LRBA: variants seen among roughly 807,000 people sequenced by gnomAD.
LRBA encodes lipopolysaccharide-responsive and beige-like anchor protein.
LRBA carries 176 observed loss-of-function variants against 330.0 expected under a neutral mutation model. That is an observed-to-expected ratio of 0.53 (90% confidence interval 0.47 to 0.60). The LOEUF (loss-of-function observed/expected upper bound fraction) is 0.60. Ranked by LOEUF, LRBA falls within the 20% of genes least tolerant of loss-of-function variation. The probability of loss-of-function intolerance (pLI) is 0.00; values close to 1 mark genes in which losing one functional copy is unlikely to be tolerated. For synonymous variants in LRBA, 1,230 were observed against 1,193.0 expected, an observed-to-expected ratio of 1.03 and a Z score of -0.64; for missense variants, 3,259 against 3,444.8, an observed-to-expected ratio of 0.95 and a Z score of 1.35.
In LRBA at chr4:150,471,063, G is replaced by A. The variant is rs539144094; in HGVS notation, c.6667+561C>T. Among the ~76,000 whole-genome samples the A allele has an allele frequency of 3.9e-5, 6 of 152,062 alleles. No individual in the cohort carries two copies. The East Asian group carries it at 7.7e-4, about 20-fold the overall frequency. Reference sequence around the variant, plus strand: ...CAAACTGACAAGAAAATCGTTCTTCGCATTTCTAACATTCTTATTTTTTCC... The same window carrying A: ...CAAACTGACAAGAAAATCGTTCTTCACATTTCTAACATTCTTATTTTTTCC... On this transcript the variant is annotated intron_variant, in intron 43 of 56. Coordinates refer to ENST00000651943, the MANE Select transcript of LRBA (RefSeq NM_001364905.1).
chr4:150,544,013 TC>T (rs1217265636), intron 40 of LRBA, among the ~76,000 whole-genome samples: 1 of 152,210 alleles, frequency 6.6e-6, no homozygotes, highest in Admixed American at 6.5e-5. Flanking sequence ...TTACTGCTCT[TC>T]AGTAGTCTCC....
intron 46 of LRBA, among the ~76,000 whole-genome samples, chr4:150,433,450 A>T (rs568526595): frequency 6.6e-6 from 1 of 152,294 alleles, no homozygotes; most frequent in South Asian, 2.1e-4. Flanking sequence ...TAGTACAGAT[A>T]GAGGCAGAAA....
At chr4:150,976,879 G>A (rs905164542) in intron 2 of LRBA, among the ~76,000 whole-genome samples, 3 of 152,220 alleles carry the variant, frequency 2.0e-5, no homozygotes, top group African/African-American at 7.2e-5. Context: ...AGCAGAACAA[G>A]ACTAAAATTA....
intron 17 of LRBA, among the ~76,000 whole-genome samples, chr4:150,879,537 G>C (rs1728136949): frequency 6.6e-6 from 1 of 151,976 alleles, no homozygotes. Context: ...CAAGAAAAGG[G>C]AACAAAAGGC....
rs190979485 is a variant in LRBA at position 150,422,077 on chromosome 4, G to T, written c.7042-6487C>A. Among the ~76,000 whole-genome samples, 291 of 152,142 alleles carry T rather than the reference G, an allele frequency of 1.9e-3. 3 individuals are homozygous for T. The highest frequency in any genetic ancestry group is 2.8e-3 in the Non-Finnish European group (188 of 67,996). ...GTTCAAGACCAGCTTGGCCAACATG[G>T]CAAGACCCCATCTCTACAAAAAAAG... On this transcript the variant is annotated intron_variant, in intron 46 of 56. Coordinates refer to ENST00000651943, the MANE Select transcript of LRBA (RefSeq NM_001364905.1).
At chr4:150,999,368 A>C (rs1202535215) in intron 2 of LRBA, among the ~76,000 whole-genome samples, 1 of 152,086 alleles carries the variant, frequency 6.6e-6, no homozygotes, top group African/African-American at 2.4e-5. Flanking sequence ...TCTCCCCCAC[A>C]AAAAAACTTC....
intron 42 of LRBA, among the ~76,000 whole-genome samples, chr4:150,479,396 A>G (rs958763455): frequency 6.6e-6 from 1 of 152,230 alleles, no homozygotes; most frequent in African/African-American, 2.4e-5. Context: ...GATAATTTGT[A>G]GAAAAAGACT....
intron 53 of LRBA, among the ~76,000 whole-genome samples, chr4:150,291,931 G>T (rs920728047): frequency 6.6e-6 from 1 of 152,176 alleles, no homozygotes; most frequent in Non-Finnish European, 1.5e-5. Flanking sequence ...TAGGGACATG[G>T]ATAAAATTGG....
chr4:150,692,958 A>G (rs964680606), intron 36 of LRBA, among the ~76,000 whole-genome samples: 7 of 152,224 alleles, frequency 4.6e-5, no homozygotes, highest in Non-Finnish European at 1.0e-4. Context: ...TGTACGCCAG[A>G]CATATAAAAT....
chr4:150,456,325 C>T (rs559842644), intron 44 of LRBA, among the ~76,000 whole-genome samples: 8 of 152,262 alleles, frequency 5.3e-5, no homozygotes, highest in South Asian at 2.1e-4. Flanking sequence ...CACATGCTCA[C>T]CAGCATTTGG....
chr4:150,648,566 A>G (rs1416797880), intron 37 of LRBA, among the ~76,000 whole-genome samples: 1 of 150,640 alleles, frequency 6.6e-6, no homozygotes, highest in African/African-American at 2.4e-5. Flanking sequence ...CCCACCCCAC[A>G]TTTCTAAATT....
intron 40 of LRBA, among the ~76,000 whole-genome samples, chr4:150,551,763 T>C (rs1178139828): frequency 1.3e-5 from 2 of 152,150 alleles, no homozygotes; most frequent in Non-Finnish European, 2.9e-5. Context: ...TTTAAACCAC[T>C]AATGAAAATG....
intron 48 of LRBA, among the ~76,000 whole-genome samples, chr4:150,337,528 T>C (rs1206569077): frequency 2.6e-5 from 4 of 152,186 alleles, no homozygotes; most frequent in Non-Finnish European, 4.4e-5. Context: ...GGCATAATTT[T>C]ATGGTATTTT....
intron 2 of LRBA, among the ~76,000 whole-genome samples, chr4:150,952,432 A>G (rs1408240699): frequency 6.6e-6 from 1 of 152,206 alleles, no homozygotes; most frequent in Non-Finnish European, 1.5e-5. Flanking sequence ...GGAGAGGGAA[A>G]TTAGACAGTC....
intron 34 of LRBA, among the ~76,000 whole-genome samples, chr4:150,763,298 C>T (rs1735344479): frequency 6.6e-6 from 1 of 151,826 alleles, no homozygotes; most frequent in Non-Finnish European, 1.5e-5. Context: ...GCTACATCTG[C>T]AGGTCTTAGA....
chr4:150,460,522 A>C (rs1487493740), intron 44 of LRBA, among the ~76,000 whole-genome samples: 1 of 151,884 alleles, frequency 6.6e-6, no homozygotes, highest in Non-Finnish European at 1.5e-5. Flanking sequence ...ACAGAGTGTG[A>C]ATAGTCTAGC....
chr4:150,596,261 A>G (rs1773473707), intron 38 of LRBA, among the ~76,000 whole-genome samples: 1 of 151,894 alleles, frequency 6.6e-6, no homozygotes, highest in Non-Finnish European at 1.5e-5. Flanking sequence ...GCTGGTATTG[A>G]TCGCCCAAAC....
chr4:150,426,451 C>A (rs955746103), intron 46 of LRBA, among the ~76,000 whole-genome samples: 1 of 151,966 alleles, frequency 6.6e-6, no homozygotes, highest in Admixed American at 6.6e-5. Flanking sequence ...TAAGTCTTGT[C>A]TACTCAACTT....
intron 35 of LRBA, among the ~76,000 whole-genome samples, chr4:150,757,533 TAAG>T (rs916497825): frequency 6.6e-6 from 1 of 151,976 alleles, no homozygotes. Context: ...ACTTACATAA[TAAG>T]AAGAAAAAAA....
Sources: allele counts gnomAD v4.1 joint callset (sites outside exome capture counted in the v4.1 genomes callset), GRCh38; gene constraint gnomAD v4.1.1; transcripts MANE v1.5; gene names NCBI Gene and HGNC (gene_info 2026-07-23, HGNC 2026-07-21).